The following ANKRD36 variants were observed in gnomAD, a reference collection of about 807,000 sequenced individuals.
ANKRD36 encodes the protein ankyrin repeat domain-containing protein 36A.
In ANKRD36, 179 loss-of-function variants were observed where a neutral mutation model predicts 278.1. The ratio of observed to expected loss-of-function variants is 0.64; its 90% CI spans 0.57 to 0.73. The LOEUF is 0.73. Ranked by LOEUF, ANKRD36 falls within the 30% of genes least tolerant of loss-of-function variation. The pLI is 0.00. For missense variants in ANKRD36, 1,159 were observed against 1,956.7 expected (o/e 0.59, Z 7.69); for synonymous variants, 320 against 641.1 (o/e 0.50, Z 7.57).
chr2:97,133,110 G>A (rs1321977643), intron 6 of ANKRD36, among the ~76,000 whole-genome samples: 10 of 152,080 alleles, frequency 6.6e-5, no homozygotes, highest in Non-Finnish European at 7.4e-5. Flanking sequence ...AAACACCAGC[G>A]AAGGGCCAGT....
At chr2:97,187,840 CT>C (rs2057760136) in intron 32 of ANKRD36, among the ~76,000 whole-genome samples, 1 of 151,666 alleles carries the variant, frequency 6.6e-6, no homozygotes, top group Admixed American at 6.6e-5. Context: ...AAGGAGACCC[CT>C]GATGTAGCAA....
chr2:97,205,886 G>A, intron 50 of ANKRD36, 54 bp from the exon 51 acceptor site: 2 of 1,509,048 alleles, frequency 1.3e-6, no homozygotes, highest in East Asian at 2.5e-5. Flanking sequence ...TGAATGTATG[G>A]ATATCTTTAT....
chr2:97,202,112 G>A, intron 46 of ANKRD36, 90 bp from the exon 47 acceptor site: 5 of 1,586,530 alleles, frequency 3.2e-6, no homozygotes, highest in Non-Finnish European at 3.4e-6. Flanking sequence ...ACAGGCAGGA[G>A]GACAGAGGTT....
At chr2:97,224,550 C>T (rs1240932669) in intron 66 of ANKRD36, among the ~76,000 whole-genome samples, 6 of 151,734 alleles carry the variant, frequency 4.0e-5, no homozygotes, top group South Asian at 2.1e-4. Flanking sequence ...CCCGGGCTCA[C>T]GCCATTCTCC....
chr2:97,197,875 C>G (rs1452373466), intron 42 of ANKRD36, among the ~76,000 whole-genome samples: 3 of 151,860 alleles, frequency 2.0e-5, no homozygotes, highest in Admixed American at 6.6e-5. Flanking sequence ...GATTATTACT[C>G]CATATCGGGG....
chr2:97,244,199 ATATTT>A (rs2075091101), intron 70 of ANKRD36, among the ~76,000 whole-genome samples, 170 bp downstream of exon 70: 1 of 148,516 alleles, frequency 6.7e-6, no homozygotes, highest in African/African-American at 2.4e-5. Context: ...AAACCTTGAA[ATATTT>A]TATTTTAGTT....
At chr2:97,211,773 C>T (rs1259609142) in intron 58 of ANKRD36, 32 bp downstream of exon 58, 38 of 1,548,712 alleles carry the variant, frequency 2.5e-5, no homozygotes, top group South Asian at 3.6e-5. Flanking sequence ...ATATGATGTT[C>T]GGTCAGGGTA....
chr2:97,203,328 G>A (rs1344188227), intron 48 of ANKRD36, among the ~76,000 whole-genome samples: 8 of 151,830 alleles, frequency 5.3e-5, no homozygotes, highest in African/African-American at 1.7e-4. Context: ...TCTAATGCTT[G>A]TAGCAGTTTC....
At chr2:97,202,525 A>G (rs1321779611) in intron 48 of ANKRD36, 132 bp downstream of exon 48, 4 of 1,415,226 alleles carry the variant, frequency 2.8e-6, no homozygotes, top group African/African-American at 1.5e-5. Context: ...CTTCATTTGT[A>G]GTAAGTTCTT....
chr2:97,127,100 G>T lies in ANKRD36; in HGVS notation c.765G>T (p.Lys255Asn), dbSNP rs1231610542. Residue 255 changes from lysine to asparagine, a missense_variant, in exon 6 of 76, where the codon AAG (lysine) becomes AAT (asparagine). Lys to Asn is a moderately conservative substitution (Grantham distance 94). Transcript: ENST00000420699. ...ATCTAATTTATGAATACGAAAGAAA[G>T]AGATATGAAGATCTTCCTATAAATA... ...IFDLIYEYER[K>N]RYEDLPINSN... 6 of 1,311,694 alleles carry T rather than the reference G, an allele frequency of 4.6e-6. No homozygotes were observed. The highest frequency in any genetic ancestry group is 6.2e-6 in the Non-Finnish European group (6 of 966,536). 81.3% of individuals were successfully genotyped at this position (1,311,694 alleles called of 1,614,324 possible). A position where few individuals can be genotyped will look rare whatever the true frequency, so the allele number is the denominator to read the frequency against.
chr2:97,199,614 G>A (rs1223191138), intron 44 of ANKRD36, among the ~76,000 whole-genome samples: 1 of 151,918 alleles, frequency 6.6e-6, no homozygotes, highest in Non-Finnish European at 1.5e-5. Context: ...CCTTGTAGAA[G>A]TATGTCAAAG....
chr2:97,156,076 G>A (rs1250735952), intron 15 of ANKRD36, among the ~76,000 whole-genome samples: 2 of 146,458 alleles, frequency 1.4e-5, no homozygotes, highest in African/African-American at 4.9e-5. Flanking sequence ...AAGATGGAAA[G>A]GAAATAGGAA....
rs1189362391 is a variant in ANKRD36 at position 97,131,515 on chromosome 2, C to T, written c.799+4381C>T. On this transcript the variant is annotated intron_variant, in intron 6 of 75. Coordinates refer to ENST00000420699, the MANE Select transcript of ANKRD36 (RefSeq NM_001354587.1). ...TGCTGGTCTATAACTTCCTTTATTCCCCAAAATGAGTTTAAAGTCCTATTG... is the reference window on the plus strand; with the variant it reads ...TGCTGGTCTATAACTTCCTTTATTCTCCAAAATGAGTTTAAAGTCCTATTG... Among the ~76,000 whole-genome samples the T allele has an allele frequency of 3.3e-5, 5 of 152,030 alleles. 1 individual carries two copies. The East Asian group carries it at 9.7e-4, about 29-fold the overall frequency.
At chr2:97,183,559 A>G (rs777424715) in intron 27 of ANKRD36, 23 bp from the exon 28 acceptor site, 6 of 1,552,410 alleles carry the variant, frequency 3.9e-6, no homozygotes, top group African/African-American at 2.8e-5. Context: ...TATATTGACT[A>G]TTTTGTTTCT....
At position 97,220,776 on chromosome 2, in the gene ANKRD36, T is replaced by A. The variant is rs28882240; in HGVS notation, c.3877+1530T>A. Among the ~76,000 whole-genome samples the A allele has an allele frequency of 6.7e-3, 516 of 77,046 alleles. 29 individuals carry two copies. The East Asian group carries it at 0.1, about 15-fold the overall frequency. 50.5% of individuals were successfully genotyped at this position (77,046 alleles called of 152,430 possible). A position where few individuals can be genotyped will look rare whatever the true frequency, so the allele number is the denominator to read the frequency against. On this transcript the variant is annotated intron_variant, in intron 66 of 75. Transcript: ENST00000420699. Reference sequence around the variant, plus strand: ...TTTTAATTTTCTTTTTTTTTTTTAATTTTTTTTTTTTTTATTATACTCTAA... The same window carrying A: ...TTTTAATTTTCTTTTTTTTTTTTAAATTTTTTTTTTTTTATTATACTCTAA...
Position 97,187,460 on chromosome 2 carries a change from AC to A in ANKRD36, c.2143+63del, listed in dbSNP as rs534134273. On this transcript the variant is annotated intron_variant, in intron 32 of 75. Transcript: ENST00000420699. ...AATCCAGATAGAAAAGAACTTCTCT[AC>A]CCCTAATAAATCAGCGGAGGGCGGG... 112 of 514,680 alleles carry A rather than the reference AC, an allele frequency of 2.2e-4. No homozygotes were observed. In the African/African-American group the frequency reaches 5.5e-3, roughly 25 times the overall value. 31.9% of individuals were successfully genotyped at this position (514,680 alleles called of 1,614,324 possible).
rs2053956253 is a variant in ANKRD36, at chr2:97,175,483, T to A, written c.1634-4255T>A. Among the ~76,000 whole-genome samples, 7 of 151,926 alleles carry A rather than the reference T, an allele frequency of 4.6e-5. No homozygotes were observed. The South Asian group carries it at 1.5e-3, about 32-fold the overall frequency. On this transcript the variant is annotated intron_variant, in intron 22 of 75. Transcript: ENST00000420699. ...ATCGGTGGTGATATCCCCTTTATCA[T>A]TTTTTATTGCGTCTATTTGAATCTT...
At chr2:97,134,456 C>T (rs1028883654) in intron 6 of ANKRD36, among the ~76,000 whole-genome samples, 4 of 152,042 alleles carry the variant, frequency 2.6e-5, no homozygotes, top group Non-Finnish European at 5.9e-5. Context: ...CTTTATAAAA[C>T]GAGTCAGAAA....
At chr2:97,175,130 A>G (rs1372922411) in intron 22 of ANKRD36, among the ~76,000 whole-genome samples, 2 of 150,680 alleles carry the variant, frequency 1.3e-5, no homozygotes, top group African/African-American at 2.4e-5. Context: ...TCAGAATGAT[A>G]CTGGCTTCAT....
Sources: gnomAD v4.1 joint callset for allele counts (sites outside exome capture counted in the v4.1 genomes callset) on GRCh38, gnomAD v4.1.1 for gene constraint, MANE v1.5 for transcripts, NCBI Gene and HGNC (gene_info 2026-07-23, HGNC 2026-07-21) for gene names.